The following CCDC158 variants were observed in gnomAD, a reference collection of about 807,000 sequenced individuals.
The protein encoded by CCDC158 is coiled-coil domain-containing protein 158.
A neutral mutation model predicts 138.6 loss-of-function variants in CCDC158; 116 were observed. The observed-to-expected ratio is 0.84, with a 90% CI of 0.72 to 0.98. The LOEUF is 0.98. Ranked by LOEUF, CCDC158 falls within the 50% of genes least tolerant of loss-of-function variation. The probability of loss-of-function intolerance (pLI) is 0.00; values close to 1 mark genes in which losing one functional copy is unlikely to be tolerated. For missense variants in CCDC158, 1,265 were observed against 1,306.1 expected (o/e 0.97, Z 0.48); for synonymous variants, 436 against 442.4 (o/e 0.99, Z 0.18).
chr4:76,333,763 A>G (rs1721211894), intron 19 of CCDC158, among the ~76,000 whole-genome samples: 1 of 152,208 alleles, frequency 6.6e-6, no homozygotes, highest in African/African-American at 2.4e-5. Context: ...AAAATTTACA[A>G]ACATAACTTT....
intron 18 of CCDC158, among the ~76,000 whole-genome samples, chr4:76,348,164 C>T (rs1338571937): frequency 2.0e-5 from 3 of 151,690 alleles, no homozygotes; most frequent in African/African-American, 7.3e-5. Context: ...GTGGCTCAGG[C>T]CTGTAATCCC....
chr4:76,327,383 G>A (rs543337505), intron 22 of CCDC158, among the ~76,000 whole-genome samples: 20 of 152,174 alleles, frequency 1.3e-4, no homozygotes, highest in African/African-American at 3.9e-4. Flanking sequence ...TGAGAATTGC[G>A]TTGTTAGTTA....
At chr4:76,413,680 C>A (rs1047697350) in intron 1 of CCDC158, among the ~76,000 whole-genome samples, 1 of 152,094 alleles carries the variant, frequency 6.6e-6, no homozygotes, top group African/African-American at 2.4e-5. Context: ...GAAATGGCAA[C>A]TGCCACTGGT....
chr4:76,380,973 G>A (rs2110295578), intron 8 of CCDC158, among the ~76,000 whole-genome samples: 1 of 152,324 alleles, frequency 6.6e-6, no homozygotes, highest in Non-Finnish European at 1.5e-5. Context: ...GCTTCCATGT[G>A]GTGTTGAGCC....
At chr4:76,377,641 A>C (rs762126846) in intron 9 of CCDC158, among the ~76,000 whole-genome samples, 3 of 152,230 alleles carry the variant, frequency 2.0e-5, no homozygotes, top group Non-Finnish European at 4.4e-5. Flanking sequence ...TGTCCTGAGA[A>C]AAGACACTAG....
At chr4:76,367,896 T>G (rs1724851566) in intron 11 of CCDC158, 120 bp from the exon 12 acceptor site, 1 of 92,236 alleles carries the variant, frequency 1.1e-5, no homozygotes, top group Admixed American at 1.1e-3. Context: ...AGTAAGATCT[T>G]TTTTTTTTTT....
At position 76,367,672 on chromosome 4, in the gene CCDC158, C is replaced by T; in HGVS notation, c.1452G>A (p.Leu484=). The change falls in exon 12 of 25, where the codon TTG becomes TTA. Residue 484 remains leucine (L), a synonymous_variant. Transcript: ENST00000682701. The part of the protein sequence containing the change: ...KEMLRKVVEE[L]TAKKMTLESS... ...TCTCCAGAGTCATTTTCTTGGCTGT[C>T]AACTCTTCTACTACTTTGCGCAGCA... The T allele has an allele frequency of 6.2e-7, 1 of 1,614,124 alleles. No homozygotes were observed.
intron 22 of CCDC158, among the ~76,000 whole-genome samples, chr4:76,327,191 T>C (rs1043586977): frequency 2.6e-5 from 4 of 152,150 alleles, no homozygotes; most frequent in Non-Finnish European, 4.4e-5. Context: ...AAAAAACATA[T>C]AAACGAAGTA....
intron 24 of CCDC158, among the ~76,000 whole-genome samples, chr4:76,313,805 A>C (rs905325122): frequency 4.6e-5 from 7 of 152,254 alleles, no homozygotes; most frequent in Non-Finnish European, 1.0e-4. Flanking sequence ...TTCTTTACAC[A>C]AATGAAAACA....
At chr4:76,338,606 A>G (rs540027922) in intron 18 of CCDC158, among the ~76,000 whole-genome samples, 4 of 152,236 alleles carry the variant, frequency 2.6e-5, no homozygotes, top group African/African-American at 9.6e-5. Flanking sequence ...TCAAAACCCT[A>G]TCAGTATGTG....
At chr4:76,361,643 C>T (rs1023451254) in intron 13 of CCDC158, among the ~76,000 whole-genome samples, 5 of 152,196 alleles carry the variant, frequency 3.3e-5, no homozygotes, top group African/African-American at 1.2e-4. Context: ...CACATACCAA[C>T]CATAAACTGG....
chr4:76,344,456 G>C, intron 18 of CCDC158: 5 of 656,900 alleles, frequency 7.6e-6, no homozygotes, highest in Non-Finnish European at 1.4e-5. Flanking sequence ...GACCAAAAAT[G>C]AGTTTATGAA....
At chr4:76,386,686 T>C (rs188663943) in intron 4 of CCDC158, among the ~76,000 whole-genome samples, 1 of 152,352 alleles carries the variant, frequency 6.6e-6, no homozygotes, top group Non-Finnish European at 1.5e-5. Context: ...GAAAGAGGCA[T>C]TGAGGAGGGC....
At position 76,384,421 on chromosome 4, in the gene CCDC158, A is replaced by T; in HGVS notation, c.399-6T>A. The T allele has an allele frequency of 5.0e-6, 8 of 1,598,940 alleles. No homozygotes were observed. Among genetic ancestry groups the T allele is most frequent in the Non-Finnish European group, 6.8e-6 (8 of 1,171,562 alleles). Reference sequence around the variant, plus strand: ...GGGACTGACTCTCCCTTCGTCTATGAAATAAATGAAAGAAAATAAATAACA... The same window carrying T: ...GGGACTGACTCTCCCTTCGTCTATGTAATAAATGAAAGAAAATAAATAACA... On this transcript the variant is annotated splice_polypyrimidine_tract_variant and splice_region_variant and intron_variant, in intron 5 of 24. Transcript: ENST00000682701.
chr4:76,388,925 C>T (rs140531015), intron 4 of CCDC158, among the ~76,000 whole-genome samples: 239 of 152,286 alleles, frequency 1.6e-3, no homozygotes, highest in Admixed American at 1.6e-3. Context: ...CCCTATGAGT[C>T]TGCAAAAACC....
chr4:76,348,390 G>C (rs959857042), intron 18 of CCDC158, among the ~76,000 whole-genome samples: 4 of 136,016 alleles, frequency 2.9e-5, no homozygotes, highest in Admixed American at 1.7e-4. Context: ...AGCTGAGATT[G>C]TGCCACTGCA....
rs72862952 is a variant in CCDC158 at position 76,349,106 on chromosome 4, T to C, written c.2664+1890A>G. On this transcript the variant is annotated intron_variant, in intron 18 of 24. Coordinates refer to ENST00000682701, the MANE Select transcript of CCDC158 (RefSeq NM_001394954.1). Reference sequence around the variant, plus strand: ...AAACAGCAACAACAAGATTTACAATTGACTTATCAGTGGAAGTAATGGAGA... The same window carrying C: ...AAACAGCAACAACAAGATTTACAATCGACTTATCAGTGGAAGTAATGGAGA... Among the ~76,000 whole-genome samples the C allele has an allele frequency of 3.0e-3, 453 of 152,304 alleles. 5 individuals carry two copies. Among genetic ancestry groups the C allele is most frequent in the African/African-American group, 0.011 (440 of 41,562 alleles).
At chr4:76,317,017 A>C (rs1408081467) in intron 24 of CCDC158, among the ~76,000 whole-genome samples, 2 of 151,750 alleles carry the variant, frequency 1.3e-5, no homozygotes, top group Non-Finnish European at 2.9e-5. Context: ...ACCAAAATTG[A>C]ACCATCTTAA....
intron 12 of CCDC158, among the ~76,000 whole-genome samples, chr4:76,366,492 T>C (rs1260001662): frequency 1.3e-5 from 2 of 152,204 alleles, no homozygotes; most frequent in Non-Finnish European, 2.9e-5. Flanking sequence ...TGTTAAATTT[T>C]GATAAGTATT....
Sources: allele counts gnomAD v4.1 joint callset (sites outside exome capture counted in the v4.1 genomes callset), GRCh38; gene constraint gnomAD v4.1.1; transcripts MANE v1.5; gene names NCBI Gene and HGNC (gene_info 2026-07-23, HGNC 2026-07-21).